ATRNL1: variants seen among roughly 807,000 people sequenced by gnomAD.
ATRNL1 encodes attractin like 1, also known as attractin-like protein 1.
Under a neutral mutation model 182.7 loss-of-function variants are expected in ATRNL1, and 95 were observed. That is an observed-to-expected ratio of 0.52 (90% CI 0.44 to 0.62). The LOEUF is 0.62. Among genes scored for constraint, ATRNL1 ranks in the 20% least tolerant of loss-of-function variants. The pLI is 0.00. For missense variants in ATRNL1, 1,471 were observed against 1,679.5 expected, an observed-to-expected ratio of 0.88 and a Z score of 2.17; for synonymous variants, 576 against 568.3, an observed-to-expected ratio of 1.01 and a Z score of -0.19.
intron 21 of ATRNL1, among the ~76,000 whole-genome samples, chr10:115,440,626 G>A (rs529813859): frequency 6.6e-6 from 1 of 151,544 alleles, no homozygotes; most frequent in East Asian, 1.9e-4. Flanking sequence ...GAGGTTTTAT[G>A]CCATTATAGT....
rs995250146 is a variant in ATRNL1 at position 115,434,580 on chromosome 10, A to G, written c.3322+8278A>G. ...ACATTATGCTGAAGGAAATAAGAGG[A>G]TCTAAATAATTAAAAAATCATATGC... On this transcript the variant is annotated intron_variant, in intron 21 of 28. Coordinates refer to ENST00000355044, the MANE Select transcript of ATRNL1 (RefSeq NM_207303.4). Among the ~76,000 whole-genome samples, 3 of 152,190 alleles carry G rather than the reference A, an allele frequency of 2.0e-5. No individual in the cohort carries two copies. In the East Asian group the frequency reaches 5.8e-4, roughly 29 times the overall value.
Position 115,790,409 on chromosome 10 carries a change from C to T in ATRNL1, c.3904-57468C>T, listed in dbSNP as rs149535476. ...TGGCAACCTCTCAGATATCAAAAGG[C>T]TCACGTACTAAATCTTTCCTCCAAA... is the stretch of plus-strand genomic sequence containing the variant. On this transcript the variant is annotated intron_variant, in intron 27 of 28. Coordinates refer to ENST00000355044, the MANE Select transcript of ATRNL1 (RefSeq NM_207303.4). 5.3e-5 allele frequency among the ~76,000 whole-genome samples: 8 copies of T among 152,274 alleles called. No homozygotes were observed. The East Asian group carries it at 7.7e-4, about 15-fold the overall frequency.
intron 26 of ATRNL1, among the ~76,000 whole-genome samples, chr10:115,672,909 T>C (rs144371694): frequency 1.6e-3 from 251 of 152,230 alleles, no homozygotes; most frequent in African/African-American, 5.6e-3. Flanking sequence ...CGTTATAGTA[T>C]TTTTTCCTCC....
At chr10:115,833,462 CAT>C (rs1365931057) in intron 27 of ATRNL1, among the ~76,000 whole-genome samples, 1 of 152,140 alleles carries the variant, frequency 6.6e-6, no homozygotes, top group Non-Finnish European at 1.5e-5. Flanking sequence ...GCTATTCTAT[CAT>C]AAATCAGAAG....
chr10:115,723,636 C>T (rs1555058800), intron 26 of ATRNL1, among the ~76,000 whole-genome samples: 1 of 152,092 alleles, frequency 6.6e-6, no homozygotes, highest in Non-Finnish European at 1.5e-5. Flanking sequence ...GCAACCTCCA[C>T]CTCCCGGGTT....
At chr10:115,330,118 TA>T (rs1298787656) in intron 18 of ATRNL1, among the ~76,000 whole-genome samples, 141 of 152,158 alleles carry the variant, frequency 9.3e-4, no homozygotes, top group Non-Finnish European at 3.4e-4. Context: ...TTTGAATTGA[TA>T]AGTTAATTTT....
At position 115,852,181 on chromosome 10, in the gene ATRNL1, A is replaced by G. The variant is rs140640268; in HGVS notation, c.4018+4190A>G. On this transcript the variant is annotated intron_variant, in intron 28 of 28. Transcript: ENST00000355044. ...TGCTGAAAAGAAGCTATGTGCTACAACTGGAAGTAGAATTTTGCCATGATC... is the reference window on the plus strand; with the variant it reads ...TGCTGAAAAGAAGCTATGTGCTACAGCTGGAAGTAGAATTTTGCCATGATC... Among the ~76,000 whole-genome samples, 225 of 152,294 alleles carry G rather than the reference A, an allele frequency of 1.5e-3. 1 individual carries two copies. Among genetic ancestry groups the G allele is most frequent in the Middle Eastern group, 3.4e-3 (1 of 294 alleles).
At chr10:115,515,605 A>G (rs868952867) in intron 24 of ATRNL1, among the ~76,000 whole-genome samples, 4 of 151,918 alleles carry the variant, frequency 2.6e-5, no homozygotes, top group Admixed American at 6.6e-5. Flanking sequence ...AAAATGTTCT[A>G]TGGATTAAAA....
intron 1 of ATRNL1, among the ~76,000 whole-genome samples, chr10:115,108,261 C>G (rs1844107018): frequency 6.6e-6 from 1 of 152,186 alleles, no homozygotes; most frequent in Non-Finnish European, 1.5e-5. Flanking sequence ...ATTTCTTCCA[C>G]CAGATATCCT....
intron 13 of ATRNL1, among the ~76,000 whole-genome samples, chr10:115,274,806 GT>G (rs1394212210): frequency 6.6e-6 from 1 of 152,190 alleles, no homozygotes; most frequent in Non-Finnish European, 1.5e-5. Flanking sequence ...TTTGCCAGAT[GT>G]TTAGCTGCTT....
intron 24 of ATRNL1, among the ~76,000 whole-genome samples, chr10:115,481,596 C>T (rs1848772697): frequency 6.6e-6 from 1 of 150,734 alleles, no homozygotes; most frequent in African/African-American, 2.4e-5. Flanking sequence ...CACCAGATCC[C>T]ATTCTACCAC....
chr10:115,379,597 C>T (rs1427425100), intron 19 of ATRNL1, among the ~76,000 whole-genome samples: 2 of 152,062 alleles, frequency 1.3e-5, no homozygotes, highest in Non-Finnish European at 2.9e-5. Context: ...TGAAACTTTG[C>T]AGATTAATAT....
At chr10:115,407,629 T>G (rs1554958578) in intron 20 of ATRNL1, among the ~76,000 whole-genome samples, 1 of 152,228 alleles carries the variant, frequency 6.6e-6, no homozygotes, top group Non-Finnish European at 1.5e-5. Context: ...TATTCATCTA[T>G]TGATGTACAC....
intron 10 of ATRNL1, among the ~76,000 whole-genome samples, chr10:115,250,279 C>A (rs375404887): frequency 6.6e-6 from 1 of 152,340 alleles, no homozygotes. Context: ...GTCAAGCATT[C>A]TATTTTTATC....
chr10:115,897,769 A>G (rs1045403869), intron 28 of ATRNL1, among the ~76,000 whole-genome samples: 1 of 152,336 alleles, frequency 6.6e-6, no homozygotes, highest in South Asian at 2.1e-4. Context: ...AAAAGAAAAC[A>G]CAGTGCGGAT....
intron 27 of ATRNL1, among the ~76,000 whole-genome samples, chr10:115,741,401 G>A (rs777999789): frequency 3.5e-4 from 54 of 152,198 alleles, no homozygotes; most frequent in Admixed American, 5.9e-4. Context: ...AGCGAGGGAC[G>A]GAGACAGAAA....
chr10:115,152,116 G>A (rs572711992), intron 5 of ATRNL1, among the ~76,000 whole-genome samples: 67 of 152,078 alleles, frequency 4.4e-4, no homozygotes, highest in Non-Finnish European at 7.2e-4. Flanking sequence ...GGTTACTGTA[G>A]CCTTGTAGTA....
At chr10:115,565,320 A>G (rs1235775798) in intron 26 of ATRNL1, among the ~76,000 whole-genome samples, 7 of 152,058 alleles carry the variant, frequency 4.6e-5, no homozygotes. Context: ...CATGTTATAA[A>G]TTCTATGAAA....
chr10:115,197,960 G>T (rs1317937898), intron 8 of ATRNL1, among the ~76,000 whole-genome samples: 1 of 152,106 alleles, frequency 6.6e-6, no homozygotes, highest in Non-Finnish European at 1.5e-5. Flanking sequence ...TGGCTATTGA[G>T]ACTAATGTTA....
Sources: gnomAD v4.1 joint callset for allele counts (sites outside exome capture counted in the v4.1 genomes callset) on GRCh38, gnomAD v4.1.1 for gene constraint, MANE v1.5 for transcripts, NCBI Gene and HGNC (gene_info 2026-07-23, HGNC 2026-07-21) for gene names.